Variants in OTUD7A observed in about 807,000 individuals in gnomAD.
OTUD7A encodes the protein OTU domain-containing protein 7A.
OTUD7A carries 12 observed loss-of-function variants against 65.7 expected under a neutral mutation model. That is an observed-to-expected ratio of 0.18 (90% CI 0.12 to 0.30). OTUD7A has a LOEUF of 0.30. Ranked by LOEUF, OTUD7A falls within the 10% of genes least tolerant of loss-of-function variation. The pLI is 1.00. For synonymous variants in OTUD7A, 641 were observed against 586.3 expected, an observed-to-expected ratio of 1.09 and a Z score of -1.35; for missense variants, 1,148 against 1,304.8, an observed-to-expected ratio of 0.88 and a Z score of 1.85.
intron 1 of OTUD7A, among the ~76,000 whole-genome samples, chr15:31,810,077 G>A (rs1157856420): frequency 2.0e-5 from 3 of 152,218 alleles, no homozygotes; most frequent in Non-Finnish European, 4.4e-5. Context: ...ACCACCTTCA[G>A]CCTGCAAGGT....
intron 1 of OTUD7A, among the ~76,000 whole-genome samples, chr15:31,657,493 G>T (rs1232583678): frequency 6.6e-6 from 1 of 151,632 alleles, no homozygotes; most frequent in Non-Finnish European, 1.5e-5. Context: ...GAGTAGCTGG[G>T]AGTACAGGCG....
In OTUD7A at chr15:31,830,165, C is replaced by T. The variant is rs550586964; in HGVS notation, c.-100+40342G>A. 7.9e-5 allele frequency among the ~76,000 whole-genome samples: 12 copies of T among 152,278 alleles called. No homozygotes were observed. The South Asian group carries it at 2.5e-3, about 32-fold the overall frequency. On this transcript the variant is annotated intron_variant, in intron 1 of 12. Coordinates refer to ENST00000307050, the MANE Select transcript of OTUD7A (RefSeq NM_001382637.1). ...ACTTGCCCAGGTTTATGCCTTAAAT[C>T]AAAACCTTCAAGAAGGCAACAGCTG...
At chr15:31,526,293 C>T in intron 8 of OTUD7A, 56 bp downstream of exon 8, 3 of 1,479,940 alleles carry the variant, frequency 2.0e-6, no homozygotes, top group South Asian at 2.6e-5. Flanking sequence ...CTGTGTGTAG[C>T]CCTGGGTGGC....
intron 5 of OTUD7A, among the ~76,000 whole-genome samples, chr15:31,544,602 G>A (rs1350839791): frequency 6.6e-6 from 1 of 151,798 alleles, no homozygotes; most frequent in South Asian, 2.1e-4. Context: ...CCAGGATGGT[G>A]TAATAATTCT....
At chr15:31,768,912 A>G (rs60548976) in intron 1 of OTUD7A, among the ~76,000 whole-genome samples, 2,608 of 152,330 alleles carry the variant, frequency 0.017, 80 homozygotes, top group African/African-American at 0.06. Context: ...TAGAATACTA[A>G]AAAAATTCAA....
At chr15:31,853,021 T>A (rs1003266974) in intron 1 of OTUD7A, among the ~76,000 whole-genome samples, 1 of 151,982 alleles carries the variant, frequency 6.6e-6, no homozygotes, top group African/African-American at 2.4e-5. Flanking sequence ...CCACCTCCCT[T>A]CCCCCCAGGC....
chr15:31,502,876 C>T (rs751941763), intron 9 of OTUD7A, among the ~76,000 whole-genome samples: 1 of 152,250 alleles, frequency 6.6e-6, no homozygotes, highest in Non-Finnish European at 1.5e-5. Context: ...GCTACATAAC[C>T]ATCGTGGCCA....
intron 10 of OTUD7A, among the ~76,000 whole-genome samples, chr15:31,500,559 CGCTGGTGCCGCCTCTGGCGGAGG>C (rs1251469787): frequency 6.6e-6 from 1 of 152,260 alleles, no homozygotes; most frequent in Non-Finnish European, 1.5e-5. Context: ...GGAAGTGACA[CGCTGGTGCCGCCTCTGGCGGAGG>C]GCTGGGGGAG....
chr15:31,612,552 C>CA (rs961251371), intron 3 of OTUD7A, among the ~76,000 whole-genome samples: 5 of 151,642 alleles, frequency 3.3e-5, no homozygotes, highest in African/African-American at 1.2e-4. Context: ...ACAATAGCTG[C>CA]AAAAAAATAA....
At chr15:31,642,815 G>T (rs542159736) in intron 3 of OTUD7A, among the ~76,000 whole-genome samples, 2 of 151,598 alleles carry the variant, frequency 1.3e-5, no homozygotes, top group East Asian at 1.9e-4. Context: ...CAATTTTATT[G>T]ATCTCAAAGA....
rs191691815 is a variant in OTUD7A, at chr15:31,711,025, T to G, written c.-99-53948A>C. Reference sequence around the variant, plus strand: ...CCTGAGGAGCATGTGCAGGTGTGTATTTCGGTTCATGTTCATTCAGCTGAA... The same window carrying G: ...CCTGAGGAGCATGTGCAGGTGTGTAGTTCGGTTCATGTTCATTCAGCTGAA... On this transcript the variant is annotated intron_variant, in intron 1 of 12. Coordinates refer to ENST00000307050, the MANE Select transcript of OTUD7A (RefSeq NM_001382637.1). Among the ~76,000 whole-genome samples the G allele has an allele frequency of 5.3e-5, 8 of 151,964 alleles. No individual in the cohort carries two copies. In the East Asian group the frequency reaches 1.6e-3, roughly 29 times the overall value.
chr15:31,565,634 T>C (rs188628425), intron 4 of OTUD7A, among the ~76,000 whole-genome samples: 2 of 152,056 alleles, frequency 1.3e-5, no homozygotes, highest in East Asian at 1.9e-4. Flanking sequence ...AGCATAGCAA[T>C]AGAAGGTGAG....
At chr15:31,592,456 C>G (rs1316642549) in intron 3 of OTUD7A, among the ~76,000 whole-genome samples, 2 of 152,194 alleles carry the variant, frequency 1.3e-5, no homozygotes, top group East Asian at 3.9e-4. Flanking sequence ...GTCTCCACCT[C>G]CACATCCTGT....
At chr15:31,852,666 T>C (rs1419911555) in intron 1 of OTUD7A, among the ~76,000 whole-genome samples, 2 of 152,240 alleles carry the variant, frequency 1.3e-5, no homozygotes, top group East Asian at 3.9e-4. Flanking sequence ...TGGCCAATTC[T>C]GTGCTCCTCA....
intron 3 of OTUD7A, among the ~76,000 whole-genome samples, chr15:31,639,685 C>T (rs550121104): frequency 6.6e-6 from 1 of 151,920 alleles, no homozygotes; most frequent in African/African-American, 2.4e-5. Context: ...TTGGTATGCT[C>T]AGTATTGTTG....
intron 1 of OTUD7A, among the ~76,000 whole-genome samples, chr15:31,796,892 AC>A (rs1385272050): frequency 6.6e-6 from 1 of 151,972 alleles, no homozygotes; most frequent in Non-Finnish European, 1.5e-5. Context: ...GCACCACCAT[AC>A]CCGGCTGATT....
chr15:31,547,420 T>C lies in OTUD7A; in HGVS notation c.550+11549A>G, dbSNP rs374355402. Among the ~76,000 whole-genome samples, 3 of 152,196 alleles carry C rather than the reference T, an allele frequency of 2.0e-5. No individual in the cohort carries two copies. In the East Asian group the frequency reaches 5.8e-4, roughly 29 times the overall value. Reference sequence around the variant, plus strand: ...TCTCATGGATCTGATACACTGCCAGTTTTATTTTACCACTTCTTAAGACAT... The same window carrying C: ...TCTCATGGATCTGATACACTGCCAGCTTTATTTTACCACTTCTTAAGACAT... On this transcript the variant is annotated intron_variant, in intron 5 of 12. Coordinates refer to ENST00000307050, the MANE Select transcript of OTUD7A (RefSeq NM_001382637.1).
chr15:31,733,307 T>C (rs1894098369), intron 1 of OTUD7A, among the ~76,000 whole-genome samples: 1 of 152,196 alleles, frequency 6.6e-6, no homozygotes, highest in African/African-American at 2.4e-5. Flanking sequence ...ACTCTGGCTC[T>C]TTCCGACCCT....
At chr15:31,647,610 T>C (rs574151864) in intron 3 of OTUD7A, among the ~76,000 whole-genome samples, 3 of 152,116 alleles carry the variant, frequency 2.0e-5, no homozygotes, top group Admixed American at 1.3e-4. Context: ...TACACACTCA[T>C]ACCTGCTTCC....
Sources: gnomAD v4.1 joint callset for allele counts (sites outside exome capture counted in the v4.1 genomes callset) on GRCh38, gnomAD v4.1.1 for gene constraint, MANE v1.5 for transcripts, NCBI Gene and HGNC (gene_info 2026-07-23, HGNC 2026-07-21) for gene names.